AFAP1L1: variants seen among roughly 807,000 people sequenced by gnomAD.
The protein encoded by AFAP1L1 is actin filament associated protein 1 like 1.
A neutral mutation model predicts 99.8 loss-of-function variants in AFAP1L1; 77 were observed. That is an observed-to-expected ratio of 0.77 (90% confidence interval 0.64 to 0.93). The LOEUF (loss-of-function observed/expected upper bound fraction) is 0.93, where lower values mean the gene tolerates loss of function less well. Among genes scored for constraint, AFAP1L1 ranks in the 40% least tolerant of loss-of-function variants. The pLI is 0.00. For synonymous variants in AFAP1L1, 373 were observed against 395.3 expected, an observed-to-expected ratio of 0.94 and a Z score of 0.67; for missense variants, 893 against 996.8, an observed-to-expected ratio of 0.90 and a Z score of 1.40.
At chr5:149,300,501 A>G (rs1378913681) in intron 3 of AFAP1L1, 147 bp downstream of exon 3, 5 of 639,350 alleles carry the variant, frequency 7.8e-6, no homozygotes, top group Non-Finnish European at 1.4e-5. Flanking sequence ...GGGTTCTGCC[A>G]GCTCTGAAAG....
intron 15 of AFAP1L1, among the ~76,000 whole-genome samples, chr5:149,326,114 T>C (rs1203957548): frequency 6.6e-6 from 1 of 152,236 alleles, no homozygotes; most frequent in Non-Finnish European, 1.5e-5. Flanking sequence ...GAACTGACTT[T>C]AGTTGGAACA....
rs748085177 is a variant in AFAP1L1 at position 149,319,688 on chromosome 5, C to T, written c.1586C>T (p.Thr529Ile). 5 of 1,612,416 alleles carry T rather than the reference C, an allele frequency of 3.1e-6. No homozygotes were observed. The Admixed American group carries it at 8.3e-5, about 27-fold the overall frequency. The change falls in exon 13 of 19, where the codon ACC becomes ATC. Residue 529 changes from threonine (T) to isoleucine (I), a missense_variant. Transcript: ENST00000296721. ...CACTATGACTACGTGGATGTGGAGA[C>T]CTTAACCAGCATCGTCAGTGCTGGG... The part of the protein sequence containing the change: ...ALHYDYVDVE[T>I]LTSIVSAGRN...
chr5:149,333,955 T>C (rs550401123), intron 17 of AFAP1L1, among the ~76,000 whole-genome samples: 24 of 152,240 alleles, frequency 1.6e-4, no homozygotes, highest in Admixed American at 4.6e-4. Context: ...CCAATGTCTG[T>C]CTTCTCCACT....
intron 9 of AFAP1L1, 64 bp downstream of exon 9, chr5:149,312,268 C>T (rs764680696): frequency 1.8e-5 from 28 of 1,515,662 alleles, no homozygotes; most frequent in Non-Finnish European, 2.4e-5. Context: ...GGGCTCAACC[C>T]CAGGGGAACT....
chr5:149,307,297 A>T, intron 6 of AFAP1L1, 105 bp from the exon 7 acceptor site: 1 of 1,226,402 alleles, frequency 8.2e-7, no homozygotes, highest in Middle Eastern at 1.9e-4. Context: ...CCTAATGCCC[A>T]TGCCTTCCTA....
At chr5:149,301,304 C>T in intron 4 of AFAP1L1, 74 bp downstream of exon 4, 1 of 1,422,134 alleles carries the variant, frequency 7.0e-7, no homozygotes, top group South Asian at 1.2e-5. Context: ...CTCTCCCCTT[C>T]CCACTGGGTG....
rs1170334481 is a variant in AFAP1L1, at chr5:149,287,307, G to A, written c.17-12202G>A. 2.0e-5 allele frequency among the ~76,000 whole-genome samples: 3 copies of A among 152,108 alleles called. No homozygotes were observed. The East Asian group carries it at 5.8e-4, about 29-fold the overall frequency. On this transcript the variant is annotated intron_variant, in intron 1 of 18. Transcript: ENST00000296721. Reference sequence around the variant, plus strand: ...CTGGTTGTACTAAAACTATATAGAGGGGAAAGCAAGGACATGGTGAACACA... The same window carrying A: ...CTGGTTGTACTAAAACTATATAGAGAGGAAAGCAAGGACATGGTGAACACA...
rs929914146 is a variant in AFAP1L1 at position 149,271,922 on chromosome 5, G to T, written c.-47G>T. On this transcript the variant is annotated 5_prime_UTR_variant, in exon 1 of 19. Coordinates refer to ENST00000296721, the MANE Select transcript of AFAP1L1 (RefSeq NM_152406.4). ...GCGCCGGCCGCTACCAGCCGCGCCG[G>T]AGCCCCTGCGCCCTGCGGCCCGCTC... is the stretch of plus-strand genomic sequence containing the variant. 4.1e-6 allele frequency: 5 copies of T among 1,217,898 alleles called. No homozygotes were observed. Among genetic ancestry groups the T allele is most frequent in the Admixed American group, 4.3e-5 (1 of 23,158 alleles). 75.4% of individuals were successfully genotyped at this position (1,217,898 alleles called of 1,614,324 possible).
chr5:149,343,427 A>G lies in AFAP1L1; in HGVS notation c.*3397A>G, dbSNP rs1453029153. ...CATCCTCTCAGTCTGTCAGCTTTCC[A>G]TCCTAAATCTCTAAAATTCATCCAT... On this transcript the variant is annotated 3_prime_UTR_variant, in exon 19 of 19. Transcript: ENST00000296721. 2.0e-5 allele frequency among the ~76,000 whole-genome samples: 3 copies of G among 152,096 alleles called. No individual in the cohort carries two copies. The highest frequency in any genetic ancestry group is 1.3e-4 in the Admixed American group (2 of 15,270).
chr5:149,320,864 A>G lies in AFAP1L1; in HGVS notation c.1698+401A>G, dbSNP rs566660608. Among the ~76,000 whole-genome samples, 7 of 152,274 alleles carry G rather than the reference A, an allele frequency of 4.6e-5. No individual in the cohort carries two copies. In the East Asian group the frequency reaches 1.4e-3, roughly 29 times the overall value. On this transcript the variant is annotated intron_variant, in intron 14 of 18. Transcript: ENST00000296721. This position sits in a 1 kb window ranked among gnomAD's most constrained non-coding sequence, Gnocchi z 4.0. The stretch of plus-strand genomic sequence containing the variant: ...CAAGCCTTCACCTGGTGACTTTGTG[A>G]TCTGGGAGCTTCAGCTCCCAGGCCA...
At chr5:149,301,925 T>G (rs1400783779) in intron 4 of AFAP1L1, among the ~76,000 whole-genome samples, 2 of 152,224 alleles carry the variant, frequency 1.3e-5, no homozygotes, top group African/African-American at 4.8e-5. Context: ...AAACTGAGGC[T>G]CAGAGAGAAT....
chr5:149,332,345 T>C (rs1229688977), intron 16 of AFAP1L1, among the ~76,000 whole-genome samples: 1 of 151,946 alleles, frequency 6.6e-6, no homozygotes, highest in Non-Finnish European at 1.5e-5. Flanking sequence ...TGCAGTGAGC[T>C]GAGATCACCC....
At chr5:149,272,231 T>C (rs541988823) in intron 1 of AFAP1L1, among the ~76,000 whole-genome samples, 2 of 152,324 alleles carry the variant, frequency 1.3e-5, no homozygotes, top group South Asian at 4.1e-4. Context: ...AGAGTTTTCA[T>C]AGGCTAACGA....
chr5:149,280,353 C>A (rs1755476901), intron 1 of AFAP1L1, among the ~76,000 whole-genome samples: 1 of 152,170 alleles, frequency 6.6e-6, no homozygotes, highest in African/African-American at 2.4e-5. Flanking sequence ...AGGACCACTC[C>A]CTATTTATCT....
chr5:149,272,614 T>A (rs996679264), intron 1 of AFAP1L1, among the ~76,000 whole-genome samples: 14 of 152,232 alleles, frequency 9.2e-5, no homozygotes, highest in African/African-American at 3.4e-4. Flanking sequence ...GGTAGACGTT[T>A]CACAGAAGTG....
intron 12 of AFAP1L1, 24 bp downstream of exon 12, chr5:149,317,964 G>C: frequency 2.6e-6 from 4 of 1,552,222 alleles, no homozygotes; most frequent in Non-Finnish European, 3.5e-6. Flanking sequence ...GTGGGACGTG[G>C]GTGGCTCTTG....
Position 149,317,772 on chromosome 5 carries a change from G to A in AFAP1L1, c.1311G>A (p.Trp437Ter). Residue 437 changes from tryptophan to a stop codon, truncating the protein, a stop_gained, in exon 12 of 19, where the codon TGG becomes TGA. Transcript: ENST00000296721. LOFTEE classifies it high-confidence loss of function. ...VLVNQGWKERWCRLKCNTLYF... is the reference protein window; with the variant it reads ...VLVNQGWKER Reference sequence around the variant, plus strand: ...TGAACCAGGGCTGGAAGGAACGCTGGTGCCGCCTGAAGTGCAACACTCTGT... The same window carrying A: ...TGAACCAGGGCTGGAAGGAACGCTGATGCCGCCTGAAGTGCAACACTCTGT... 3 of 1,614,142 alleles carry A rather than the reference G, an allele frequency of 1.9e-6. No individual in the cohort carries two copies. Among genetic ancestry groups the A allele is most frequent in the Non-Finnish European group, 2.5e-6 (3 of 1,180,010 alleles).
intron 1 of AFAP1L1, among the ~76,000 whole-genome samples, chr5:149,281,855 C>T (rs1288471704): frequency 2.6e-5 from 4 of 152,082 alleles, no homozygotes; most frequent in Admixed American, 6.5e-5. Context: ...GCCGAGAAGA[C>T]GAGGAAAAGG....
chr5:149,277,216 C>T (rs554993688), intron 1 of AFAP1L1, among the ~76,000 whole-genome samples: 1 of 152,220 alleles, frequency 6.6e-6, no homozygotes, highest in Non-Finnish European at 1.5e-5. Context: ...TGAATTGAAC[C>T]CAAGACAGGA....
Sources: gnomAD v4.1 joint callset for allele counts (sites outside exome capture counted in the v4.1 genomes callset) on GRCh38, gnomAD v4.1.1 for gene constraint, Gnocchi (gnomAD v3.1) non-coding constraint, MANE v1.5 for transcripts, NCBI Gene and HGNC (gene_info 2026-07-23, HGNC 2026-07-21) for gene names.